SDC1: variants seen among roughly 807,000 people sequenced by gnomAD.
The protein encoded by SDC1 is syndecan-1.
A neutral mutation model predicts 29.7 loss-of-function variants in SDC1; 14 were observed. The observed-to-expected ratio is 0.47, with a 90% confidence interval of 0.31 to 0.74. The LOEUF (loss-of-function observed/expected upper bound fraction) is 0.74, where lower values mean the gene tolerates loss of function less well. Among genes scored for constraint, SDC1 ranks in the 30% least tolerant of loss-of-function variants. The pLI is 0.05. For synonymous variants in SDC1, 204 were observed against 175.5 expected (o/e 1.16, Z -1.29); for missense variants, 406 against 400.3 (o/e 1.01, Z -0.12).
Position 20,220,735 on chromosome 2 carries a change from T to C in SDC1, c.66+4067A>G, listed in dbSNP as rs578039910. Among the ~76,000 whole-genome samples the C allele has an allele frequency of 1.6e-4, 25 of 152,334 alleles. No individual in the cohort carries two copies. In the East Asian group the frequency reaches 4.6e-3, roughly 28 times the overall value. On this transcript the variant is annotated intron_variant, in intron 1 of 4. Coordinates refer to ENST00000254351, the MANE Select transcript of SDC1 (RefSeq NM_002997.5). ...AAGGAAAGTGACTCACCCCAGATTA[T>C]GGAGTAAATTAGTGGCAGAGTTGAG...
At chr2:20,217,631 G>A (rs1677670959) in intron 1 of SDC1, among the ~76,000 whole-genome samples, 1 of 152,314 alleles carries the variant, frequency 6.6e-6, no homozygotes, top group South Asian at 2.1e-4. Flanking sequence ...CCTGAGCCCC[G>A]GCTGTGTCTT....
At chr2:20,208,211 G>A (rs914245883) in intron 1 of SDC1, 8 of 677,470 alleles carry the variant, frequency 1.2e-5, no homozygotes, top group Middle Eastern at 7.9e-4. Flanking sequence ...ACCCAGGAAC[G>A]CCAGGGAGGC....
rs2230925 is a variant in SDC1 at position 20,204,131 on chromosome 2, C to T, written c.309G>A (p.Glu103=). The change falls in exon 3 of 5, where the codon GAG becomes GAA. Residue 103 remains glutamate, a synonymous_variant. Coordinates refer to ENST00000254351, the MANE Select transcript of SDC1 (RefSeq NM_002997.5). ...GCTCCACTTCTGGCAGGACTACAGC[C>T]TCTCCCTCCTTGGGCCCCTCTCCAG... ...LPAGEGPKEG[E]AVVLPEVEPG... is the part of the protein sequence containing the mutation. The T allele has an allele frequency of 3.7e-5, 59 of 1,604,544 alleles. No individual in the cohort carries two copies. The African/African-American group carries it at 5.9e-4, about 16-fold the overall frequency.
At chr2:20,211,583 C>T (rs920063902) in intron 1 of SDC1, among the ~76,000 whole-genome samples, 1 of 152,222 alleles carries the variant, frequency 6.6e-6, no homozygotes, top group Non-Finnish European at 1.5e-5. Flanking sequence ...GAGGCTCCTT[C>T]GTGCCTGGGG....
At chr2:20,219,602 T>C (rs772665605) in intron 1 of SDC1, among the ~76,000 whole-genome samples, 22 of 152,312 alleles carry the variant, frequency 1.4e-4, no homozygotes, top group Non-Finnish European at 2.4e-4. Flanking sequence ...GGTTCCAGAA[T>C]ACATGCTCCC....
At chr2:20,223,271 G>T in intron 1 of SDC1, 1 of 1,299,708 alleles carries the variant, frequency 7.7e-7, no homozygotes. Context: ...TCTCCCATGA[G>T]ACAGACTCTG....
rs768470845 is a variant in SDC1 at position 20,205,355 on chromosome 2, CG to C, written c.135del (p.Gly46AlafsTer26). On this transcript the variant is annotated frameshift_variant, in exon 2 of 5. Coordinates refer to ENST00000254351, the MANE Select transcript of SDC1 (RefSeq NM_002997.5). LOFTEE classifies it high-confidence loss of function. ...ATGACAACCTCACCTGCACCTGAGC[CG>C]GAGAAGTTGTCAGAGTCATCCCCAG... ...DGSGDDSDNF[S>X]GSGAGALQDI... 6.2e-7 allele frequency: 1 copy of C among 1,613,854 alleles called. No homozygotes were observed. The highest frequency in any genetic ancestry group is 8.5e-7 in the Non-Finnish European group (1 of 1,179,862).
At chr2:20,203,340 G>A (rs1677109998) in intron 3 of SDC1, 118 bp from the exon 4 acceptor site, 1 of 1,217,644 alleles carries the variant, frequency 8.2e-7, no homozygotes, top group Non-Finnish European at 1.1e-6. Context: ...CACCCACTCA[G>A]ATGCACCCAA....
At position 20,202,085 on chromosome 2, in the gene SDC1, G is replaced by T; in HGVS notation, c.*681C>A. On this transcript the variant is annotated 3_prime_UTR_variant, in exon 5 of 5. Coordinates refer to ENST00000254351, the MANE Select transcript of SDC1 (RefSeq NM_002997.5). ...GCCTACATTTTGGCTTCCAGATTTG[G>T]TTCTCCTAGTTTAAAAAAAAAAAAA... The T allele has an allele frequency of 1.8e-6, 1 of 542,464 alleles. No homozygotes were observed. The highest frequency in any genetic ancestry group is 2.5e-5 in the South Asian group (1 of 40,384). 33.6% of individuals were successfully genotyped at this position (542,464 alleles called of 1,614,324 possible). A position where few individuals can be genotyped will look rare whatever the true frequency, so the allele number is the denominator to read the frequency against.
chr2:20,207,920 T>C (rs753604117), intron 1 of SDC1: 56 of 983,282 alleles, frequency 5.7e-5, no homozygotes, highest in East Asian at 1.1e-4. Context: ...CCCCCACCCA[T>C]ACTCACTGGG....
chr2:20,208,463 C>T (rs1677353913), intron 1 of SDC1, among the ~76,000 whole-genome samples: 2 of 152,232 alleles, frequency 1.3e-5, no homozygotes, highest in South Asian at 4.1e-4. Flanking sequence ...GCTAGAGAGA[C>T]CTCCCAAATC....
At chr2:20,225,204 C>A (rs1009568455), upstream of SDC1, 7 of 190,458 alleles carry the variant, frequency 3.7e-5, no homozygotes, top group African/African-American at 1.6e-4. Context: ...CGCCCCCCAG[C>A]CACCCCTCCC....
chr2:20,213,174 G>A (rs1325828032), intron 1 of SDC1, among the ~76,000 whole-genome samples: 1 of 152,132 alleles, frequency 6.6e-6, no homozygotes, highest in Non-Finnish European at 1.5e-5. Flanking sequence ...CAGAGCTGGC[G>A]CCTGCCTCAG....
chr2:20,204,095 G>T lies in SDC1; in HGVS notation c.345C>A (p.Thr115=). The T allele has an allele frequency of 6.2e-7, 1 of 1,608,548 alleles. No homozygotes were observed. The highest frequency in any genetic ancestry group is 8.5e-7 in the Non-Finnish European group (1 of 1,179,734). ...GGGGGGTGGCCTCCTGCTCCCGGGCGGTGAGGCCAGGCTCCACTTCTGGCA... is the reference window on the plus strand; with the variant it reads ...GGGGGGTGGCCTCCTGCTCCCGGGCTGTGAGGCCAGGCTCCACTTCTGGCA... ...VVLPEVEPGL[T]AREQEATPRP... is the part of the protein sequence containing the mutation. The change falls in exon 3 of 5, where the codon ACC becomes ACA. Residue 115 remains threonine (T), a synonymous_variant. Coordinates refer to ENST00000254351, the MANE Select transcript of SDC1 (RefSeq NM_002997.5).
In SDC1 at chr2:20,224,301, G is replaced by A. The variant is rs138986173; in HGVS notation, c.66+501C>T. On this transcript the variant is annotated intron_variant, in intron 1 of 4. Coordinates refer to ENST00000254351, the MANE Select transcript of SDC1 (RefSeq NM_002997.5). The surrounding 1 kb of genome is among the most constrained non-coding windows in gnomAD (Gnocchi z 4.9). ...CGCGGCCGCCTCCCGCTCCCGCGCC[G>A]GCCGCGCTGCGCCCAAACTTGCCCT... The A allele has an allele frequency of 0.31, 49,550 of 162,428 alleles. 8,393 individuals carry two copies. The highest frequency in any genetic ancestry group is 0.38 in the Non-Finnish European group (29,259 of 77,486). The allele number at this position is 162,428 out of a possible 1,614,324, so 10.1% of individuals were successfully genotyped here.
chr2:20,223,423 T>C (rs1407377745), intron 1 of SDC1: 1 of 512,114 alleles, frequency 2.0e-6, no homozygotes, highest in Non-Finnish European at 3.4e-6. Flanking sequence ...CCCCGCCCCT[T>C]CCCTGCCCAC....
At chr2:20,204,936 TGCTGCCTTACA>T (rs1677204544) in intron 2 of SDC1, among the ~76,000 whole-genome samples, 1 of 152,250 alleles carries the variant, frequency 6.6e-6, no homozygotes, top group African/African-American at 2.4e-5. Context: ...GCTGGCTCTG[TGCTGCCTTACA>T]GCTCCACAAG....
intron 3 of SDC1, among the ~76,000 whole-genome samples, chr2:20,203,559 AG>A (rs1198334576): frequency 6.6e-6 from 1 of 152,260 alleles, no homozygotes; most frequent in Non-Finnish European, 1.5e-5. Context: ...CTCTTGCAGC[AG>A]GGGCTGCAAG....
chr2:20,203,265 C>A, intron 3 of SDC1, 43 bp from the exon 4 acceptor site: 1 of 1,564,538 alleles, frequency 6.4e-7, no homozygotes, highest in South Asian at 1.2e-5. Context: ...AGGTCACCGC[C>A]AGCAGCAGCA....
Sources: allele counts gnomAD v4.1 joint callset (sites outside exome capture counted in the v4.1 genomes callset), GRCh38; gene constraint gnomAD v4.1.1; non-coding constraint Gnocchi (gnomAD v3.1); transcripts MANE v1.5; gene names NCBI Gene and HGNC (gene_info 2026-07-23, HGNC 2026-07-21).